HERC4: variants seen among roughly 807,000 people sequenced by gnomAD.
HERC4 encodes probable E3 ubiquitin-protein ligase HERC4.
In HERC4, 28 loss-of-function variants were observed where a neutral mutation model predicts 124.3. The observed-to-expected ratio is 0.23, with a 90% CI of 0.17 to 0.31. The LOEUF is 0.31. Among genes scored for constraint, HERC4 ranks in the 10% least tolerant of loss-of-function variants. HERC4 has a pLI of 1.00. For synonymous variants in HERC4, 407 were observed against 421.5 expected (o/e 0.97, Z 0.42); for missense variants, 713 against 1,229.3 (o/e 0.58, Z 6.28).
chr10:67,963,278 G>A (rs7894364), intron 16 of HERC4, among the ~76,000 whole-genome samples: 1,551 of 152,134 alleles, frequency 0.01, 21 homozygotes, highest in African/African-American at 0.035. Context: ...GTGCAGTGGC[G>A]TGATCTCAAC....
At chr10:67,941,204 G>T (rs1488967595) in intron 19 of HERC4, 99 bp from the exon 20 acceptor site, 2 of 791,192 alleles carry the variant, frequency 2.5e-6, no homozygotes, top group East Asian at 3.2e-5. Flanking sequence ...TGAAGATAGA[G>T]AAAAAAGTAA....
chr10:67,922,763 G>T lies in HERC4; in HGVS notation c.*168C>A. The stretch of plus-strand genomic sequence containing the variant: ...TTCTGTACAATAATATTAACAGTTT[G>T]TTCATTTTCCTTTAATATTTTTTGG... On this transcript the variant is annotated 3_prime_UTR_variant, in exon 25 of 25. Transcript: ENST00000373700. The T allele has an allele frequency of 2.0e-6, 1 of 503,814 alleles. No individual in the cohort carries two copies. Among genetic ancestry groups the T allele is most frequent in the Non-Finnish European group, 3.6e-6 (1 of 281,660 alleles). The allele number at this position is 503,814 out of a possible 1,614,324, so 31.2% of individuals were successfully genotyped here. A position where few individuals can be genotyped will look rare whatever the true frequency, so the allele number is the denominator to read the frequency against.
chr10:68,001,086 G>A (rs150149514), intron 9 of HERC4, among the ~76,000 whole-genome samples: 46 of 152,156 alleles, frequency 3.0e-4, no homozygotes, highest in Middle Eastern at 3.4e-3. Flanking sequence ...ATGTCCTTTT[G>A]TCAGCCGGGT....
At chr10:68,018,623 T>G (rs2038408066) in intron 8 of HERC4, among the ~76,000 whole-genome samples, 2 of 152,198 alleles carry the variant, frequency 1.3e-5, no homozygotes, top group Admixed American at 1.3e-4. Flanking sequence ...GCAAGGTGGT[T>G]GTATTTAAAA....
At chr10:68,039,509 A>G (rs1443320674) in intron 4 of HERC4, 5 of 1,550,328 alleles carry the variant, frequency 3.2e-6, no homozygotes, top group Non-Finnish European at 3.5e-6. Flanking sequence ...TCAAAGTTTG[A>G]GCAGGAAAAA....
chr10:67,925,266 G>T, intron 23 of HERC4, 79 bp from the exon 24 acceptor site: 1 of 741,910 alleles, frequency 1.3e-6, no homozygotes, highest in South Asian at 1.9e-5. Flanking sequence ...ACATGGTCCA[G>T]TAGTTTGCAA....
chr10:67,926,179 G>A (rs2030916100), intron 23 of HERC4, among the ~76,000 whole-genome samples: 1 of 152,216 alleles, frequency 6.6e-6, no homozygotes, highest in South Asian at 2.1e-4. Context: ...CAGATCACTT[G>A]AGGTCAGGAG....
rs753749500 is a variant in HERC4, at chr10:67,991,174, A to C, written c.1297T>G (p.Ser433Ala). The C allele has an allele frequency of 1.9e-6, 3 of 1,546,886 alleles. No homozygotes were observed. The African/African-American group carries it at 4.1e-5, about 21-fold the overall frequency. Reference sequence around the variant, plus strand: ...AAAAAACTTCCATTTAGGCAACCAGAGGAAGAAAACGTTCCATCTATCTCA... The same window carrying C: ...AAAAAACTTCCATTTAGGCAACCAGCGGAAGAAAACGTTCCATCTATCTCA... The part of the protein sequence containing the change: ...ANEIDGTFSS[S>A]GCLNGSFLAV... Residue 433 changes from serine (S) to alanine (A), a missense_variant, in exon 12 of 25, where the codon TCT (serine) becomes GCT (alanine). Ser to Ala is a moderately conservative substitution (Grantham distance 99). Coordinates refer to ENST00000373700, the MANE Select transcript of HERC4 (RefSeq NM_015601.4).
rs374715597 is a variant in HERC4, at chr10:67,922,928, A to G, written c.*3T>C. 2 of 1,584,392 alleles carry G rather than the reference A, an allele frequency of 1.3e-6. No individual in the cohort carries two copies. The highest frequency in any genetic ancestry group is 1.7e-6 in the Non-Finnish European group (2 of 1,159,020). Reference sequence around the variant, plus strand: ...ACTAAACTGAATAGTTATAACTCCAAAGTTATATTAAACTGAAGCCTTCAT... The same window carrying G: ...ACTAAACTGAATAGTTATAACTCCAGAGTTATATTAAACTGAAGCCTTCAT... On this transcript the variant is annotated 3_prime_UTR_variant, in exon 25 of 25. Transcript: ENST00000373700.
chr10:68,029,974 G>A (rs1199922257), intron 7 of HERC4, among the ~76,000 whole-genome samples: 4 of 151,248 alleles, frequency 2.6e-5, no homozygotes, highest in South Asian at 4.2e-4. Flanking sequence ...TCCTGACCTC[G>A]TGATCTGCCT....
chr10:68,050,210 TA>T (rs1437941687), intron 3 of HERC4, among the ~76,000 whole-genome samples: 1 of 151,898 alleles, frequency 6.6e-6, no homozygotes, highest in African/African-American at 2.4e-5. Context: ...AAAAAACAAC[TA>T]ACAAGCGTAG....
intron 15 of HERC4, among the ~76,000 whole-genome samples, chr10:67,978,547 T>C (rs868022517): frequency 6.6e-6 from 1 of 152,198 alleles, no homozygotes; most frequent in African/African-American, 2.4e-5. Flanking sequence ...GGAAACTAGC[T>C]GCCCCGAAGG....
chr10:67,923,200 A>T, intron 24 of HERC4, 61 bp from the exon 25 acceptor site: 1 of 1,265,366 alleles, frequency 7.9e-7, no homozygotes, highest in Non-Finnish European at 1.1e-6. Flanking sequence ...GTAGCAAGTA[A>T]TATTTGGTAC....
At chr10:68,064,272 G>T (rs2041183893) in intron 3 of HERC4, among the ~76,000 whole-genome samples, 1 of 151,760 alleles carries the variant, frequency 6.6e-6, no homozygotes, top group African/African-American at 2.4e-5. Flanking sequence ...GAAAGAAATA[G>T]GCCGGGTGCC....
chr10:68,061,095 G>GT (rs2040985847), intron 3 of HERC4, among the ~76,000 whole-genome samples: 1 of 152,098 alleles, frequency 6.6e-6, no homozygotes, highest in South Asian at 2.1e-4. Flanking sequence ...CGCAAAAGGT[G>GT]TATTTCCCAA....
chr10:68,022,423 C>T (rs962917841), intron 8 of HERC4, among the ~76,000 whole-genome samples: 25 of 151,920 alleles, frequency 1.6e-4, no homozygotes, highest in African/African-American at 2.7e-4. Context: ...CGCTTGGTCC[C>T]GGGAGGCAGA....
rs2039341138 is a variant in HERC4, at chr10:68,034,106, G to A, written c.544C>T (p.Gln182Ter). The change falls in exon 6 of 25, where the codon CAG becomes TAG. Residue 182 changes from glutamine (Q) to a stop codon, truncating the protein, a stop_gained. Coordinates refer to ENST00000373700, the MANE Select transcript of HERC4 (RefSeq NM_015601.4). LOFTEE classifies it high-confidence loss of function. ...GTDCKKQTSP[Q>*]LLKSLLGIPF... is the part of the protein sequence containing the mutation. The stretch of plus-strand genomic sequence containing the variant: ...ATTCCAAGCAAAGACTTAAGCAGCT[G>A]CGGTGAAGTTTGCTTTTTACAGTCA... 6.2e-7 allele frequency: 1 copy of A among 1,614,002 alleles called. No homozygotes were observed.
intron 4 of HERC4, among the ~76,000 whole-genome samples, chr10:68,043,944 A>G (rs1404466073): frequency 6.6e-6 from 1 of 152,210 alleles, no homozygotes; most frequent in Non-Finnish European, 1.5e-5. Flanking sequence ...GCTCACTGCT[A>G]TGTACAAAGT....
At chr10:67,960,762 C>T in intron 16 of HERC4, 1 of 219,774 alleles carries the variant, frequency 4.6e-6, no homozygotes. Context: ...CTGTCACATC[C>T]CCAGTAGCCT....
Sources: gnomAD v4.1 joint callset for allele counts (sites outside exome capture counted in the v4.1 genomes callset) on GRCh38, gnomAD v4.1.1 for gene constraint, MANE v1.5 for transcripts, NCBI Gene and HGNC (gene_info 2026-07-23, HGNC 2026-07-21) for gene names.